The following ZNF644 variants were observed in gnomAD, a reference collection of about 807,000 sequenced individuals.
ZNF644 encodes zinc finger motif enhancer binding protein 2.
Under a neutral mutation model 108.0 loss-of-function variants are expected in ZNF644, and 20 were observed. That is an observed-to-expected ratio of 0.19 (90% CI 0.13 to 0.27). The LOEUF (loss-of-function observed/expected upper bound fraction) is 0.27, where lower values mean the gene tolerates loss of function less well. Ranked by LOEUF, ZNF644 falls within the 10% of genes least tolerant of loss-of-function variation. ZNF644 has a pLI of 1.00. For synonymous variants in ZNF644, 542 were observed against 539.1 expected (o/e 1.01, Z -0.08); for missense variants, 1,338 against 1,548.9 (o/e 0.86, Z 2.29).
rs75816292 is a variant in ZNF644, at chr1:90,925,368, C to T, written c.3689-7214G>A. 9.5e-3 allele frequency among the ~76,000 whole-genome samples: 1,444 copies of T among 152,098 alleles called. 11 individuals carry two copies. The highest frequency in any genetic ancestry group is 0.02 in the Middle Eastern group (6 of 294). ...ATTCTTGGTAAATAAACATAGAAAC[C>T]GCTTTTTTTCTTAAAAATTCACTTG... On this transcript the variant is annotated intron_variant, in intron 4 of 5. Coordinates refer to ENST00000337393, the MANE Select transcript of ZNF644 (RefSeq NM_201269.3).
intron 1 of ZNF644, among the ~76,000 whole-genome samples, chr1:91,019,088 A>G (rs1660663390): frequency 6.6e-6 from 1 of 152,260 alleles, no homozygotes; most frequent in Non-Finnish European, 1.5e-5. Context: ...AAACCTTAAA[A>G]CAATTTAACT....
chr1:90,975,228 G>C (rs1175733897), intron 2 of ZNF644, among the ~76,000 whole-genome samples: 2 of 152,188 alleles, frequency 1.3e-5, no homozygotes, highest in Admixed American at 6.5e-5. Context: ...TCCAGGAACA[G>C]AGACTATCAC....
In ZNF644 at chr1:91,005,574, A is replaced by G. The variant is rs1659334804; in HGVS notation, c.-18+16416T>C. ...AATTTTAAAGGAATAAAAATCATAG[A>G]GAGTACGTTCTCTGACCACAATGGA... On this transcript the variant is annotated intron_variant, in intron 1 of 5. Transcript: ENST00000337393. Among the ~76,000 whole-genome samples the G allele has an allele frequency of 2.6e-5, 4 of 152,144 alleles. No individual in the cohort carries two copies. In the South Asian group the frequency reaches 8.3e-4, roughly 31 times the overall value.
chr1:90,953,270 A>T (rs75872618), intron 2 of ZNF644, among the ~76,000 whole-genome samples: 1,917 of 151,666 alleles, frequency 0.013, 39 homozygotes, highest in African/African-American at 0.044. Flanking sequence ...ACTGCAATAA[A>T]GTGAATACTG....
intron 2 of ZNF644, among the ~76,000 whole-genome samples, chr1:90,968,104 C>A (rs1570458528): frequency 2.7e-5 from 4 of 146,536 alleles, no homozygotes; most frequent in Non-Finnish European, 3.0e-5. Context: ...TTTTAATATT[C>A]AATCATGCAA....
chr1:90,979,733 C>T (rs909021413), intron 2 of ZNF644, among the ~76,000 whole-genome samples: 1 of 152,140 alleles, frequency 6.6e-6, no homozygotes, highest in Non-Finnish European at 1.5e-5. Context: ...ATTAGTCTAA[C>T]ATTCCAAAAT....
At chr1:90,953,326 A>G (rs916998361) in intron 2 of ZNF644, among the ~76,000 whole-genome samples, 2 of 149,624 alleles carry the variant, frequency 1.3e-5, no homozygotes, top group African/African-American at 4.9e-5. Context: ...GTTTCCAAGT[A>G]CGTATAAAAG....
At chr1:90,952,587 C>A (rs1653286979) in intron 2 of ZNF644, among the ~76,000 whole-genome samples, 1 of 150,990 alleles carries the variant, frequency 6.6e-6, no homozygotes, top group Non-Finnish European at 1.5e-5. Context: ...CACTATGTAA[C>A]AAAGCAGAAA....
intron 1 of ZNF644, among the ~76,000 whole-genome samples, chr1:90,995,387 A>C (rs1177749512): frequency 6.6e-6 from 1 of 152,194 alleles, no homozygotes; most frequent in Non-Finnish European, 1.5e-5. Flanking sequence ...ACATATCCTA[A>C]GAGACCAGTA....
In ZNF644 at chr1:90,940,019, T is replaced by C; in HGVS notation, c.1335A>G (p.Pro445=). The change falls in exon 3 of 6, where the codon CCA becomes CCG. Residue 445 remains proline, a synonymous_variant. Coordinates refer to ENST00000337393, the MANE Select transcript of ZNF644 (RefSeq NM_201269.3). Reference sequence around the variant, plus strand: ...CACATTCTCTACAAGCATATGGCCTTGGGACATTAAGATGGCGAAAGTGAC... The same window carrying C: ...CACATTCTCTACAAGCATATGGCCTCGGGACATTAAGATGGCGAAAGTGAC... The part of the protein sequence containing the change: ...GNSHFRHLNV[P]RPYACRECGR... 1 of 1,614,084 alleles carries C rather than the reference T, an allele frequency of 6.2e-7. No individual in the cohort carries two copies. The highest frequency in any genetic ancestry group is 8.5e-7 in the Non-Finnish European group (1 of 1,179,972).
At chr1:90,989,437 A>C (rs187844585) in intron 1 of ZNF644, among the ~76,000 whole-genome samples, 1 of 152,222 alleles carries the variant, frequency 6.6e-6, no homozygotes, top group African/African-American at 2.4e-5. Flanking sequence ...CAGCTACTTG[A>C]GAGGCTGAGG....
intron 2 of ZNF644, among the ~76,000 whole-genome samples, chr1:90,978,159 G>A (rs962053561): frequency 6.6e-6 from 1 of 151,906 alleles, no homozygotes; most frequent in Non-Finnish European, 1.5e-5. Context: ...TGAGACCAGC[G>A]TGGCCAACAC....
At chr1:91,013,433 A>G (rs180983834) in intron 1 of ZNF644, among the ~76,000 whole-genome samples, 138 of 148,608 alleles carry the variant, frequency 9.3e-4, no homozygotes, top group African/African-American at 2.9e-3. Context: ...CCTCCAATAT[A>G]TATTTCCAAT....
At position 90,940,306 on chromosome 1, in the gene ZNF644, T is replaced by C. The variant is rs1393650080; in HGVS notation, c.1048A>G (p.Thr350Ala). Residue 350 changes from threonine (T) to alanine (A), a missense_variant, in exon 3 of 6, where the codon ACT becomes GCT. Physicochemically the swap from Thr to Ala is moderately conservative, Grantham distance 58. Coordinates refer to ENST00000337393, the MANE Select transcript of ZNF644 (RefSeq NM_201269.3). Reference sequence around the variant, plus strand: ...TCCACAGATTCTAAGTCTTCATCAGTTGATTCAGGCTTCACTTTTGATAAT... The same window carrying C: ...TCCACAGATTCTAAGTCTTCATCAGCTGATTCAGGCTTCACTTTTGATAAT... ...YALSKVKPES[T>A]DEDLESVDAF... 3 of 1,613,894 alleles carry C rather than the reference T, an allele frequency of 1.9e-6. No individual in the cohort carries two copies. The highest frequency in any genetic ancestry group is 1.3e-5 in the African/African-American group (1 of 74,924).
intron 1 of ZNF644, among the ~76,000 whole-genome samples, chr1:91,007,727 CT>C (rs1462146880): frequency 1.3e-5 from 2 of 152,140 alleles, no homozygotes; most frequent in Non-Finnish European, 2.9e-5. Context: ...CTGGGCACTG[CT>C]TTTTCATAGC....
At chr1:90,983,435 C>T (rs1404803990) in intron 1 of ZNF644, among the ~76,000 whole-genome samples, 1 of 147,356 alleles carries the variant, frequency 6.8e-6, no homozygotes, top group Non-Finnish European at 1.5e-5. Flanking sequence ...CCACAAAAGA[C>T]TTCCACACCC....
chr1:90,964,688 G>GA (rs1654665261), intron 2 of ZNF644, among the ~76,000 whole-genome samples: 1 of 152,034 alleles, frequency 6.6e-6, no homozygotes, highest in African/African-American at 2.4e-5. Flanking sequence ...TGAAGCAACA[G>GA]AAAAAGCTAT....
intron 2 of ZNF644, among the ~76,000 whole-genome samples, chr1:90,944,191 G>A (rs376832371): frequency 5.9e-5 from 9 of 152,088 alleles, no homozygotes; most frequent in African/African-American, 1.9e-4. Flanking sequence ...TGGAACAGAC[G>A]CTTCCCATTT....
At chr1:90,976,321 T>C (rs1426668453) in intron 2 of ZNF644, among the ~76,000 whole-genome samples, 1 of 152,216 alleles carries the variant, frequency 6.6e-6, no homozygotes, top group Non-Finnish European at 1.5e-5. Context: ...GTTCATCACT[T>C]GTACTATAAC....
Sources: gnomAD v4.1 joint callset for allele counts (sites outside exome capture counted in the v4.1 genomes callset) on GRCh38, gnomAD v4.1.1 for gene constraint, MANE v1.5 for transcripts, NCBI Gene and HGNC (gene_info 2026-07-23, HGNC 2026-07-21) for gene names.